The following REC8 variants were observed in gnomAD, a reference collection of about 807,000 sequenced individuals.
The protein encoded by REC8 is REC8 meiotic recombination protein, also known as meiotic recombination protein REC8 homolog.
A neutral mutation model predicts 78.3 loss-of-function variants in REC8; 42 were observed. That is an observed-to-expected ratio of 0.54 (90% CI 0.42 to 0.69). REC8 has a LOEUF of 0.69. REC8 is among the 30% of genes least tolerant of loss of function. REC8 has a pLI of 0.00. For synonymous variants in REC8, 268 were observed against 274.1 expected, an observed-to-expected ratio of 0.98 and a Z score of 0.22; for missense variants, 581 against 715.8, an observed-to-expected ratio of 0.81 and a Z score of 2.15.
Position 24,172,313 on chromosome 14 carries a change from C to T in REC8, c.-240C>T, listed in dbSNP as rs2038703151. 3 of 545,636 alleles carry T rather than the reference C, an allele frequency of 5.5e-6. No individual in the cohort carries two copies. Among genetic ancestry groups the T allele is most frequent in the Admixed American group, 6.8e-5 (2 of 29,418 alleles). The allele number at this position is 545,636 out of a possible 1,614,324, so 33.8% of individuals were successfully genotyped here. On this transcript the variant is annotated 5_prime_UTR_variant, in exon 1 of 19. Coordinates refer to ENST00000611366, the MANE Select transcript of REC8 (RefSeq NM_001048205.2). The stretch of plus-strand genomic sequence containing the variant: ...TTGACGCATCACGTGGCGTGCGGAT[C>T]CACTGAGGGTCCACAGAGAGGGGCG...
At chr14:24,172,828 AGGGGATG>A (rs960665046) in intron 2 of REC8, 47 bp downstream of exon 2, 7 of 1,613,796 alleles carry the variant, frequency 4.3e-6, no homozygotes, top group Non-Finnish European at 2.5e-6. Context: ...GGGGTGAGTT[AGGGGATG>A]GGGTGGCCAA....
In REC8 at chr14:24,178,591, T is replaced by C. The variant is rs747073087; in HGVS notation, c.997-15T>C. The C allele has an allele frequency of 6.2e-7, 1 of 1,613,202 alleles. No individual in the cohort carries two copies. ...TGCTTTATAATGGGGCTTCTGACCT[T>C]CCCCCACTACACAGCCTATGGTGCA... On this transcript the variant is annotated splice_polypyrimidine_tract_variant and intron_variant, in intron 12 of 18. Coordinates refer to ENST00000611366, the MANE Select transcript of REC8 (RefSeq NM_001048205.2).
intron 5 of REC8, 127 bp downstream of exon 5, chr14:24,173,538 G>T: frequency 6.6e-7 from 1 of 1,522,278 alleles, no homozygotes; most frequent in South Asian, 1.3e-5. Context: ...GATGGTGCAG[G>T]GGGACTGCCA....
At chr14:24,174,597 A>C (rs1051767189) in intron 5 of REC8, among the ~76,000 whole-genome samples, 3 of 152,132 alleles carry the variant, frequency 2.0e-5, no homozygotes. Flanking sequence ...GTTTAGAACT[A>C]GTCATCCCCA....
chr14:24,180,803 C>T, downstream of REC8: 1 of 1,578,164 alleles, frequency 6.3e-7, no homozygotes, highest in East Asian at 2.3e-5. Context: ...CCCCAGACCC[C>T]AGGTCTAGGA....
At chr14:24,173,527 A>C (rs902290307) in intron 5 of REC8, 116 bp downstream of exon 5, 2 of 1,544,124 alleles carry the variant, frequency 1.3e-6, no homozygotes, top group Non-Finnish European at 8.7e-7. Flanking sequence ...CTCCCACAGG[A>C]GATGGTGCAG....
At chr14:24,173,266 C>T (rs2038747737) in intron 4 of REC8, 25 bp from the exon 5 acceptor site, 1 of 1,614,118 alleles carries the variant, frequency 6.2e-7, no homozygotes, top group African/African-American at 1.3e-5. Flanking sequence ...AGCCTCAGTC[C>T]TTCACGGCCT....
chr14:24,173,512 G>A lies in REC8; in HGVS notation c.462+101G>A. On this transcript the variant is annotated intron_variant, in intron 5 of 18. Transcript: ENST00000611366. ...GGGTTGGGGAAGGAAGCTTACCACA[G>A]CTCTCTCCCACAGGAGATGGTGCAG... The A allele has an allele frequency of 2.6e-6, 4 of 1,559,792 alleles. No individual in the cohort carries two copies. In the South Asian group the frequency reaches 3.7e-5, roughly 14 times the overall value.
chr14:24,173,346 C>G lies in REC8; in HGVS notation c.397C>G (p.Pro133Ala), dbSNP rs749068969. Reference protein sequence around the residue: ...LAMMETLEDAPDPFFGMMSVD... With the variant: ...LAMMETLEDAADPFFGMMSVD... ...CATGATGGAGACCCTAGAAGATGCT[C>G]CAGATCCCTTTTTTGGGATGATGTC... is the stretch of plus-strand genomic sequence containing the variant. Residue 133 changes from proline to alanine, a missense_variant, in exon 5 of 19, where the codon CCA becomes GCA. Transcript: ENST00000611366. 6.2e-7 allele frequency: 1 copy of G among 1,614,196 alleles called. No homozygotes were observed. Among genetic ancestry groups the G allele is most frequent in the Non-Finnish European group, 8.5e-7 (1 of 1,180,034 alleles).
chr14:24,173,879 T>TG (rs1171871354), intron 5 of REC8, among the ~76,000 whole-genome samples: 1 of 152,208 alleles, frequency 6.6e-6, no homozygotes, highest in Non-Finnish European at 1.5e-5. Context: ...ATTATTATTA[T>TG]TTTTGAGACA....
At chr14:24,178,054 G>A in intron 11 of REC8, 37 bp from the exon 12 acceptor site, 1 of 1,593,040 alleles carries the variant, frequency 6.3e-7, no homozygotes, top group Non-Finnish European at 8.6e-7. Context: ...AGGAGTAATG[G>A]GCAGCCTTGC....
Position 24,179,596 on chromosome 14 carries a change from G to A in REC8, c.1321G>A (p.Ala441Thr). Residue 441 changes from alanine (A) to threonine (T), a missense_variant and splice_region_variant, in exon 17 of 19, where the codon GCC becomes ACC. Transcript: ENST00000611366. ...CCCTACTCTCTCATGTCCTCCTAGG[G>A]CCTGGCCTGAGGTGGAGGCGCCAGA... ...ISLIPPEERW[A>T]WPEVEAPEAP... The A allele has an allele frequency of 6.2e-7, 1 of 1,614,178 alleles. No homozygotes were observed.
At chr14:24,176,463 C>T (rs572093966) in intron 6 of REC8, among the ~76,000 whole-genome samples, 70 of 151,838 alleles carry the variant, frequency 4.6e-4, no homozygotes, top group Non-Finnish European at 9.0e-4. Context: ...CCCACCTCAG[C>T]CTCCAGAGTA....
In REC8 at chr14:24,178,814, C is replaced by G. The variant is rs776242727; in HGVS notation, c.1101C>G (p.Thr367=). The G allele has an allele frequency of 7.4e-6, 12 of 1,613,694 alleles. No homozygotes were observed. In the East Asian group the frequency reaches 2.7e-4, roughly 36 times the overall value. Reference sequence around the variant, plus strand: ...CCCCTGAACTACTGGGTCTCTGGACCCATTGTGCCCAGCCACCCCCAAAAG... The same window carrying G: ...CCCCTGAACTACTGGGTCTCTGGACGCATTGTGCCCAGCCACCCCCAAAAG... ...WLPPELLGLW[T]HCAQPPPKAL... The change falls in exon 14 of 19, where the codon ACC becomes ACG. Residue 367 remains threonine (T), a synonymous_variant. Coordinates refer to ENST00000611366, the MANE Select transcript of REC8 (RefSeq NM_001048205.2).
chr14:24,176,385 G>A (rs1434179888), intron 6 of REC8, among the ~76,000 whole-genome samples: 1 of 137,526 alleles, frequency 7.3e-6, no homozygotes, highest in African/African-American at 2.9e-5. Context: ...TTTTTTCCCA[G>A]GCTGGAGTGC....
intron 10 of REC8, 64 bp downstream of exon 10, chr14:24,177,605 C>T: frequency 6.3e-7 from 1 of 1,580,190 alleles, no homozygotes; most frequent in South Asian, 1.1e-5. Flanking sequence ...CAGACAAGGG[C>T]TTTATATCCC....
chr14:24,176,875 G>A lies in REC8; in HGVS notation c.598G>A (p.Glu200Lys). The part of the protein sequence containing the change: ...PPEAITILEA[E>K]PIRMLEIEGE... The stretch of plus-strand genomic sequence containing the variant: ...TGAGGCCATCACGATCCTGGAGGCA[G>A]AGCCCATACGGATGCTGGAGATTGA... The change falls in exon 7 of 19, where the codon GAG (glutamate) becomes AAG (lysine). Residue 200 changes from glutamate (E) to lysine (K), a missense_variant. Physicochemically the swap from Glu to Lys is moderately conservative, Grantham distance 56. Coordinates refer to ENST00000611366, the MANE Select transcript of REC8 (RefSeq NM_001048205.2). 1 of 1,613,852 alleles carries A rather than the reference G, an allele frequency of 6.2e-7. No individual in the cohort carries two copies. Among genetic ancestry groups the A allele is most frequent in the Non-Finnish European group, 8.5e-7 (1 of 1,179,888 alleles).
intron 12 of REC8, 110 bp from the exon 13 acceptor site, chr14:24,178,496 A>C: frequency 3.3e-6 from 4 of 1,199,064 alleles, no homozygotes; most frequent in South Asian, 1.4e-5. Flanking sequence ...TCATGAGCGC[A>C]AAAGCTGGGG....
rs138622170 is a variant in REC8, at chr14:24,178,935, T to C, written c.1203+19T>C. The C allele has an allele frequency of 8.1e-4, 1,307 of 1,612,622 alleles. 13 individuals carry two copies. In the African/African-American group the frequency reaches 0.016, roughly 20 times the overall value. On this transcript the variant is annotated intron_variant, in intron 14 of 18. Transcript: ENST00000611366. ...GATTGAGGTAACTGCACCACCTGTT[T>C]ACTGCATCGCCCCAGTGCCAGGGTC...
Sources: gnomAD v4.1 joint callset for allele counts (sites outside exome capture counted in the v4.1 genomes callset) on GRCh38, gnomAD v4.1.1 for gene constraint, MANE v1.5 for transcripts, NCBI Gene and HGNC (gene_info 2026-07-23, HGNC 2026-07-21) for gene names.